Variants in PDE3B observed in about 807,000 individuals in gnomAD.
PDE3B encodes the protein cGMP-inhibited 3',5'-cyclic phosphodiesterase 3B.
In PDE3B, 66 loss-of-function variants were observed where a neutral mutation model predicts 116.8. The ratio of observed to expected loss-of-function variants is 0.56; its 90% CI spans 0.46 to 0.69. The LOEUF (loss-of-function observed/expected upper bound fraction) is 0.69. Ranked by LOEUF, PDE3B falls within the 30% of genes least tolerant of loss-of-function variation. The pLI, the probability that PDE3B is intolerant of heterozygous loss-of-function variation, is 0.00. For synonymous variants in PDE3B, 595 were observed against 533.6 expected (o/e 1.12, Z -1.59); for missense variants, 1,384 against 1,368.1 (o/e 1.01, Z -0.18).
intron 1 of PDE3B, among the ~76,000 whole-genome samples, chr11:14,649,151 C>G (rs1201670265): frequency 1.3e-5 from 2 of 152,112 alleles, no homozygotes; most frequent in Non-Finnish European, 2.9e-5. Context: ...TCATTGTCAT[C>G]AGACTCTGTC....
intron 12 of PDE3B, among the ~76,000 whole-genome samples, chr11:14,845,263 C>T (rs893146134): frequency 2.0e-5 from 3 of 152,110 alleles, no homozygotes; most frequent in Non-Finnish European, 4.4e-5. Flanking sequence ...CTCCAACAGA[C>T]CTGCAGCTGA....
At chr11:14,778,130 C>T (rs1857847519) in intron 2 of PDE3B, among the ~76,000 whole-genome samples, 1 of 152,124 alleles carries the variant, frequency 6.6e-6, no homozygotes, top group Admixed American at 6.6e-5. Context: ...GGGTGCCCAC[C>T]ATTGCTGAGG....
In PDE3B at chr11:14,854,545, G is replaced by T. The variant is rs191130304; in HGVS notation, c.2521-4498G>T. Reference sequence around the variant, plus strand: ...TTTTTTTTTTTTTTTGTGAGACAGGGTCTCACTCTGTTGCCAGGCTGGAGT... The same window carrying T: ...TTTTTTTTTTTTTTTGTGAGACAGGTTCTCACTCTGTTGCCAGGCTGGAGT... On this transcript the variant is annotated intron_variant, in intron 12 of 15. Transcript: ENST00000282096. 9.6e-4 allele frequency among the ~76,000 whole-genome samples: 145 copies of T among 151,284 alleles called. 1 individual carries two copies. Among genetic ancestry groups the T allele is most frequent in the Non-Finnish European group, 1.8e-3 (124 of 67,846 alleles).
chr11:14,646,634 T>C (rs1483942607), intron 1 of PDE3B, among the ~76,000 whole-genome samples: 2 of 152,154 alleles, frequency 1.3e-5, no homozygotes, highest in African/African-American at 4.8e-5. Context: ...ATCACTTTTG[T>C]GGGCAATTTT....
At chr11:14,778,787 G>A (rs1004597716) in intron 2 of PDE3B, among the ~76,000 whole-genome samples, 2 of 152,130 alleles carry the variant, frequency 1.3e-5, no homozygotes, top group Admixed American at 6.6e-5. Flanking sequence ...GCAGCTCCTC[G>A]CCAGCAATGG....
At chr11:14,695,784 T>G (rs1464311500) in intron 1 of PDE3B, among the ~76,000 whole-genome samples, 1 of 152,124 alleles carries the variant, frequency 6.6e-6, no homozygotes, top group Non-Finnish European at 1.5e-5. Context: ...TTTCTCTTCC[T>G]GCGTTAGTTT....
At chr11:14,809,915 G>C (rs1333801034) in intron 5 of PDE3B, among the ~76,000 whole-genome samples, 1 of 151,566 alleles carries the variant, frequency 6.6e-6, no homozygotes, top group African/African-American at 2.4e-5. Context: ...AGGTGGTATA[G>C]ATGGAATTTT....
intron 1 of PDE3B, among the ~76,000 whole-genome samples, chr11:14,710,203 T>A (rs1432637114): frequency 6.6e-6 from 1 of 152,222 alleles, no homozygotes; most frequent in Non-Finnish European, 1.5e-5. Flanking sequence ...ATATTACTGC[T>A]CTGTTAATGT....
intron 1 of PDE3B, among the ~76,000 whole-genome samples, chr11:14,703,440 T>C (rs1176778856): frequency 6.6e-6 from 1 of 151,444 alleles, no homozygotes; most frequent in East Asian, 1.9e-4. Flanking sequence ...ATACCAGGAA[T>C]CTTTTGTTTA....
At chr11:14,802,272 C>T (rs980029215) in intron 4 of PDE3B, among the ~76,000 whole-genome samples, 4 of 152,180 alleles carry the variant, frequency 2.6e-5, no homozygotes, top group African/African-American at 9.6e-5. Context: ...ACCCAGGGCC[C>T]CGGTGGGGTA....
At position 14,843,912 on chromosome 11, in the gene PDE3B, G is replaced by A. The variant is rs1483354857; in HGVS notation, c.2406G>A (p.Leu802=). The change falls in exon 12 of 16, where the codon CTG becomes CTA. Residue 802 remains leucine, a synonymous_variant. Transcript: ENST00000282096. Reference sequence around the variant, plus strand: ...ATCCTGATGAGAGTTATGGCTGCCTGTCTTCAAACATTCCTGCATTAGAAT... The same window carrying A: ...ATCCTGATGAGAGTTATGGCTGCCTATCTTCAAACATTCCTGCATTAGAAT... ...CSNPDESYGC[L]SSNIPALELM... The A allele has an allele frequency of 1.1e-5, 17 of 1,613,978 alleles. No individual in the cohort carries two copies. Among genetic ancestry groups the A allele is most frequent in the Non-Finnish European group, 1.4e-5 (17 of 1,179,958 alleles).
At chr11:14,855,896 T>G (rs978085115) in intron 12 of PDE3B, among the ~76,000 whole-genome samples, 2 of 152,208 alleles carry the variant, frequency 1.3e-5, no homozygotes, top group Non-Finnish European at 2.9e-5. Context: ...ATCTTGACCA[T>G]CCTCAGAAAG....
chr11:14,886,813 CACT>C, the PDE3B span: 8 of 152,290 alleles, frequency 5.3e-5, no homozygotes, highest in Admixed American at 1.3e-4. Context: ...CCATGGTACA[CACT>C]ACTTCAGAAG....
chr11:14,646,882 AC>A (rs2133741580), intron 1 of PDE3B, among the ~76,000 whole-genome samples: 1 of 151,990 alleles, frequency 6.6e-6, no homozygotes, highest in Non-Finnish European at 1.5e-5. Flanking sequence ...AGTGCAGAAA[AC>A]CCTTATTCAC....
intron 1 of PDE3B, among the ~76,000 whole-genome samples, chr11:14,727,355 A>G (rs1455538586): frequency 1.3e-5 from 2 of 152,128 alleles, no homozygotes; most frequent in African/African-American, 4.8e-5. Context: ...GGCAGGTGCT[A>G]TTATTATCCT....
chr11:14,814,273 A>G (rs961296586), intron 5 of PDE3B, among the ~76,000 whole-genome samples: 4 of 152,228 alleles, frequency 2.6e-5, no homozygotes, highest in Non-Finnish European at 5.9e-5. Context: ...AATGAAGACA[A>G]GATAAAGAAA....
chr11:14,812,359 C>A (rs1859168330), intron 5 of PDE3B, among the ~76,000 whole-genome samples: 1 of 152,032 alleles, frequency 6.6e-6, no homozygotes, highest in Non-Finnish European at 1.5e-5. Flanking sequence ...TGCAGAAAAT[C>A]CTCAAATTAT....
chr11:14,848,586 A>G (rs988390779), intron 12 of PDE3B, among the ~76,000 whole-genome samples: 3 of 152,156 alleles, frequency 2.0e-5, no homozygotes, highest in Admixed American at 6.5e-5. Context: ...ATATCTAGAA[A>G]ACCCCATTGT....
intron 1 of PDE3B, among the ~76,000 whole-genome samples, chr11:14,702,521 G>T (rs1423500124): frequency 3.3e-5 from 5 of 151,808 alleles, no homozygotes; most frequent in Non-Finnish European, 7.4e-5. Context: ...CCAGTAAAAG[G>T]TGTATTGATT....
Sources: allele counts gnomAD v4.1 joint callset (sites outside exome capture counted in the v4.1 genomes callset), GRCh38; gene constraint gnomAD v4.1.1; transcripts MANE v1.5; gene names NCBI Gene and HGNC (gene_info 2026-07-23, HGNC 2026-07-21).